DST: variants seen among roughly 807,000 people sequenced by gnomAD.
DST encodes the protein bullous pemphigoid antigen.
A neutral mutation model predicts 875.2 loss-of-function variants in DST; 253 were observed. The ratio of observed to expected loss-of-function variants is 0.29; its 90% confidence interval spans 0.26 to 0.32. The LOEUF is 0.32. Ranked by LOEUF, DST falls within the 10% of genes least tolerant of loss-of-function variation. The probability of loss-of-function intolerance (pLI) is 1.00; values close to 1 mark genes in which losing one functional copy is unlikely to be tolerated. For missense variants in DST, 8,287 were observed against 9,111.6 expected, an observed-to-expected ratio of 0.91 and a Z score of 3.68; for synonymous variants, 3,124 against 3,197.1, an observed-to-expected ratio of 0.98 and a Z score of 0.77.
At chr6:56,726,972 C>T (rs2099463183) in intron 5 of DST, among the ~76,000 whole-genome samples, 1 of 152,164 alleles carries the variant, frequency 6.6e-6, no homozygotes, top group Admixed American at 6.5e-5. Context: ...AAGTCTAGTG[C>T]TTTAATCCTC....
Position 56,601,903 on chromosome 6 carries a change from T to G in DST, c.11308-227A>C, listed in dbSNP as rs368444268. ...ATTATATAAAAAGACAAATAATCCC[T>G]CTAAAAATGTTTTATCTTTACCTGT... is the stretch of plus-strand genomic sequence containing the variant. On this transcript the variant is annotated intron_variant, in intron 43 of 103. Coordinates refer to ENST00000680361, the MANE Select transcript of DST (RefSeq NM_001374736.1). 12 of 457,946 alleles carry G rather than the reference T, an allele frequency of 2.6e-5. No individual in the cohort carries two copies. In the East Asian group the frequency reaches 3.9e-4, roughly 15 times the overall value. 28.4% of individuals were successfully genotyped at this position (457,946 alleles called of 1,614,324 possible). A position where few individuals can be genotyped will look rare whatever the true frequency, so the allele number is the denominator to read the frequency against.
chr6:56,813,089 G>A (rs369845342), intron 4 of DST, among the ~76,000 whole-genome samples: 14 of 151,690 alleles, frequency 9.2e-5, no homozygotes, highest in South Asian at 6.3e-4. Flanking sequence ...TTGTAGGGAC[G>A]TGGATGAAAT....
intron 4 of DST, among the ~76,000 whole-genome samples, chr6:56,795,088 A>G (rs1446532282): frequency 6.6e-6 from 1 of 152,204 alleles, no homozygotes; most frequent in African/African-American, 2.4e-5. Context: ...TTCAAAAAGT[A>G]ATTTAGAGGA....
chr6:56,857,938 T>C (rs533977454), intron 3 of DST, among the ~76,000 whole-genome samples: 2 of 152,140 alleles, frequency 1.3e-5, no homozygotes, highest in East Asian at 1.9e-4. Flanking sequence ...GAAGAAAAAA[T>C]GAGATATGGT....
At chr6:56,628,228 A>C in intron 32 of DST, 67 bp from the exon 33 acceptor site, 1 of 1,380,206 alleles carries the variant, frequency 7.2e-7, no homozygotes, top group Admixed American at 1.7e-5. Flanking sequence ...GAAGATGTAG[A>C]GATGGGAGAG....
chr6:56,571,639 A>G (rs1224680162), intron 53 of DST, among the ~76,000 whole-genome samples: 1 of 152,232 alleles, frequency 6.6e-6, no homozygotes, highest in African/African-American at 2.4e-5. Context: ...TCACAGGTTC[A>G]TATCTCATCT....
At position 56,885,895 on chromosome 6, in the gene DST, T is replaced by C. The variant is rs187797424; in HGVS notation, c.417+14526A>G. ...GACAGTGTCTGATCCCCATCGATCT[T>C]AGTAATACTGAGCTGCATGTAGCAA... is the stretch of plus-strand genomic sequence containing the variant. On this transcript the variant is annotated intron_variant, in intron 3 of 103. Coordinates refer to ENST00000680361, the MANE Select transcript of DST (RefSeq NM_001374736.1). 5.2e-4 allele frequency among the ~76,000 whole-genome samples: 79 copies of C among 152,348 alleles called. 1 individual carries two copies. The highest frequency in any genetic ancestry group is 3.4e-3 in the Middle Eastern group (1 of 294).
At chr6:56,697,371 G>A (rs2099269674) in intron 9 of DST, among the ~76,000 whole-genome samples, 1 of 152,012 alleles carries the variant, frequency 6.6e-6, no homozygotes. Flanking sequence ...TATTTTAATG[G>A]ATGTTGTTTC....
chr6:56,771,809 C>T (rs1030079494), intron 4 of DST, among the ~76,000 whole-genome samples: 1 of 152,208 alleles, frequency 6.6e-6, no homozygotes, highest in African/African-American at 2.4e-5. Context: ...TGCACATATA[C>T]ATGTATACAA....
At chr6:56,482,595 G>T in intron 89 of DST, 88 bp downstream of exon 89, 2 of 1,338,466 alleles carry the variant, frequency 1.5e-6, no homozygotes, top group South Asian at 1.4e-5. Flanking sequence ...TGAGACACGA[G>T]GGCCTCACAA....
chr6:56,815,033 G>A (rs1315449529), intron 4 of DST, among the ~76,000 whole-genome samples: 20 of 152,180 alleles, frequency 1.3e-4, no homozygotes, highest in Admixed American at 1.2e-3. Flanking sequence ...TCTGCCACTC[G>A]CTATAATCCC....
intron 80 of DST, 96 bp downstream of exon 80, chr6:56,500,984 A>T: frequency 8.3e-7 from 1 of 1,211,270 alleles, no homozygotes; most frequent in Non-Finnish European, 1.1e-6. Flanking sequence ...AAAATCATAA[A>T]CTTGAAACAC....
At chr6:56,521,478 TTAA>T (rs2096702429) in intron 69 of DST, among the ~76,000 whole-genome samples, 1 of 145,126 alleles carries the variant, frequency 6.9e-6, no homozygotes, top group African/African-American at 2.6e-5. Context: ...TCTTCCCTAT[TTAA>T]AAAAAAAAAA....
chr6:56,904,205 G>C (rs1002525610), intron 2 of DST, among the ~76,000 whole-genome samples: 12 of 152,176 alleles, frequency 7.9e-5, no homozygotes, highest in African/African-American at 2.9e-4. Flanking sequence ...ATCTAAAAAA[G>C]AAATCAGGTG....
intron 10 of DST, among the ~76,000 whole-genome samples, chr6:56,651,978 C>T (rs940356729): frequency 1.3e-5 from 2 of 152,166 alleles, no homozygotes; most frequent in African/African-American, 2.4e-5. Flanking sequence ...ATATATAGTA[C>T]ACCCTCAACA....
At chr6:56,492,478 GATCA>G in intron 84 of DST, 45 bp from the exon 85 acceptor site, 1 of 1,556,810 alleles carries the variant, frequency 6.4e-7, no homozygotes, top group Non-Finnish European at 8.8e-7. Flanking sequence ...ATGAAAATCA[GATCA>G]ATCTTAAAAA....
At chr6:56,625,323 T>C in intron 34 of DST, 59 bp from the exon 35 acceptor site, 3 of 1,063,452 alleles carry the variant, frequency 2.8e-6, no homozygotes, top group South Asian at 2.5e-5. Flanking sequence ...AGTTTCATTC[T>C]ACAATAATTT....
chr6:56,848,026 G>A (rs1263313155), intron 4 of DST, among the ~76,000 whole-genome samples: 1 of 152,092 alleles, frequency 6.6e-6, no homozygotes, highest in African/African-American at 2.4e-5. Flanking sequence ...CTATGTATTG[G>A]TAATATTTCA....
chr6:56,817,904 A>G (rs1448845212), intron 4 of DST, among the ~76,000 whole-genome samples: 1 of 152,146 alleles, frequency 6.6e-6, no homozygotes, highest in African/African-American at 2.4e-5. Flanking sequence ...TGTGATGGGG[A>G]GACTAGCCTG....
Sources: allele counts gnomAD v4.1 joint callset (sites outside exome capture counted in the v4.1 genomes callset), GRCh38; gene constraint gnomAD v4.1.1; transcripts MANE v1.5; gene names NCBI Gene and HGNC (gene_info 2026-07-23, HGNC 2026-07-21).